The following VCF2 variants were observed in gnomAD, a reference collection of about 807,000 sequenced individuals.
The protein encoded by VCF2 is VCP nuclear cofactor family member 2, also known as protein VCF2.
At chrX:55,159,169 T>C in the VCF2 span, 4 of 1,208,159 alleles carry the variant, frequency 3.3e-6, no homozygotes, top group African/African-American at 5.2e-5. Flanking sequence ...GTTTCTCTTA[T>C]TCCTTTTGGG....
chrX:55,158,814 T>C, the VCF2 span, among the ~76,000 whole-genome samples: 27 of 111,920 alleles, frequency 2.4e-4, no homozygotes. Context: ...CATATCACTA[T>C]GTACTAGAAA....
the VCF2 span, among the ~76,000 whole-genome samples, chrX:55,153,512 G>A: frequency 9.3e-6 from 1 of 108,074 alleles, no homozygotes; most frequent in Admixed American, 1.0e-4. Context: ...ATGCCGCCAC[G>A]CCCAGCTAAT....
At chrX:55,145,432 A>G in the VCF2 span, 1 of 752,477 alleles carries the variant, frequency 1.3e-6, no homozygotes, top group Non-Finnish European at 1.6e-6. Context: ...CCTTAGAAAC[A>G]TTCTCCCTGG....
chrX:55,154,405 CTTTTT>C, the VCF2 span, among the ~76,000 whole-genome samples: 1 of 112,449 alleles, frequency 8.9e-6, no homozygotes, highest in Non-Finnish European at 1.9e-5. Flanking sequence ...AAAGCTTATT[CTTTTT>C]TGTCTGAATT....
the VCF2 span, chrX:55,146,213 G>C: frequency 8.3e-7 from 1 of 1,211,172 alleles, no homozygotes; most frequent in Non-Finnish European, 1.1e-6. Flanking sequence ...AGTTTGCATC[G>C]GGTTCAGTAA....
the VCF2 span, chrX:55,145,388 T>C: frequency 1.3e-6 from 1 of 752,741 alleles, no homozygotes; most frequent in Non-Finnish European, 1.6e-6. Flanking sequence ...CTCTAGAGGA[T>C]AAATGATACA....
At chrX:55,155,929 TTTC>T in the VCF2 span, among the ~76,000 whole-genome samples, 35,143 of 94,097 alleles carry the variant, frequency 0.37, 6,085 homozygotes, top group Non-Finnish European at 0.5. Flanking sequence ...AGTATTTTAC[TTTC>T]TTCTTCTTCT....
the VCF2 span, among the ~76,000 whole-genome samples, chrX:55,150,160 T>C: frequency 2.7e-5 from 3 of 112,127 alleles, no homozygotes; most frequent in African/African-American, 9.7e-5. Context: ...TGGATTATAT[T>C]TATATAAATG....
chrX:55,153,556 T>C, the VCF2 span, among the ~76,000 whole-genome samples: 1 of 107,864 alleles, frequency 9.3e-6, no homozygotes, highest in African/African-American at 3.4e-5. Flanking sequence ...AGAGATGGGG[T>C]TTCACCATGT....
At chrX:55,151,504 C>T in the VCF2 span, among the ~76,000 whole-genome samples, 3 of 107,595 alleles carry the variant, frequency 2.8e-5, no homozygotes, top group Admixed American at 2.0e-4. Flanking sequence ...ATCTGAGATT[C>T]CTTATGGAAT....
chrX:55,160,145 T>C, the VCF2 span, among the ~76,000 whole-genome samples: 1 of 112,138 alleles, frequency 8.9e-6, no homozygotes, highest in Non-Finnish European at 1.9e-5. Flanking sequence ...TGATTATATA[T>C]AAAGAAAAAA....
chrX:55,143,713 C>T, the VCF2 span: 1 of 910,640 alleles, frequency 1.1e-6, no homozygotes, highest in South Asian at 2.4e-5. Flanking sequence ...GGAACCTCCT[C>T]TCACTTTCTA....
chrX:55,152,112 C>T, the VCF2 span, among the ~76,000 whole-genome samples: 1 of 108,767 alleles, frequency 9.2e-6, no homozygotes, highest in African/African-American at 3.3e-5. Flanking sequence ...GGGATGGTCT[C>T]GATCTCCTGA....
chrX:55,147,259 T>G, the VCF2 span, among the ~76,000 whole-genome samples: 1 of 100,611 alleles, frequency 9.9e-6, no homozygotes, highest in South Asian at 4.9e-4. Context: ...ATGGTCATAG[T>G]CCATAGGTCA....
the VCF2 span, among the ~76,000 whole-genome samples, chrX:55,155,018 T>C: frequency 2.7e-5 from 3 of 111,823 alleles, no homozygotes; most frequent in Non-Finnish European, 5.6e-5. Flanking sequence ...CTTCTTAAAA[T>C]GAAATGCATC....
the VCF2 span, among the ~76,000 whole-genome samples, chrX:55,156,406 C>T: frequency 4.5e-5 from 5 of 112,155 alleles, no homozygotes; most frequent in African/African-American, 1.6e-4. Context: ...TTCAAAGGCA[C>T]CTGTAGAAAC....
the VCF2 span, among the ~76,000 whole-genome samples, chrX:55,144,355 A>G: frequency 3.2e-4 from 36 of 111,674 alleles, no homozygotes; most frequent in African/African-American, 1.1e-3. Flanking sequence ...TTTCTGCCAT[A>G]AAACCTTTTA....
chrX:55,160,011 T>A, the VCF2 span, among the ~76,000 whole-genome samples: 1 of 111,944 alleles, frequency 8.9e-6, no homozygotes, highest in Non-Finnish European at 1.9e-5. Flanking sequence ...TACTCTTTAA[T>A]CAATTCTCAT....
At chrX:55,161,007 C>G in the VCF2 span, 2 of 1,168,235 alleles carry the variant, frequency 1.7e-6, no homozygotes, top group Non-Finnish European at 2.3e-6. Flanking sequence ...GCCACCAACC[C>G]CGGAAGAAAA....
Sources: gnomAD v4.1 joint callset for allele counts (sites outside exome capture counted in the v4.1 genomes callset) on GRCh38, gnomAD v4.1.1 for gene constraint, MANE v1.5 for transcripts, NCBI Gene and HGNC (gene_info 2026-07-23, HGNC 2026-07-21) for gene names.